Variants in SRSF11 observed in about 807,000 individuals in gnomAD.
SRSF11 encodes serine/arginine-rich splicing factor 11.
In SRSF11, 9 loss-of-function variants were observed where a neutral mutation model predicts 56.0. That is an observed-to-expected ratio of 0.16 (90% CI 0.10 to 0.28). The LOEUF (loss-of-function observed/expected upper bound fraction) is 0.28, where lower values mean the gene tolerates loss of function less well. Ranked by LOEUF, SRSF11 falls within the 10% of genes least tolerant of loss-of-function variation. The probability of loss-of-function intolerance (pLI) is 1.00; values close to 1 mark genes in which losing one functional copy is unlikely to be tolerated. For missense variants in SRSF11, 421 were observed against 600.7 expected (o/e 0.70, Z 3.13); for synonymous variants, 222 against 215.3 (o/e 1.03, Z -0.27).
At chr1:70,235,340 T>G (rs962425031) in intron 4 of SRSF11, among the ~76,000 whole-genome samples, 161 bp from the exon 5 acceptor site, 1 of 151,454 alleles carries the variant, frequency 6.6e-6, no homozygotes, top group Non-Finnish European at 1.5e-5. Context: ...TTTTGTTTTG[T>G]TTTTTGTTTT....
At chr1:70,206,469 G>T (rs1669034004) in intron 1 of SRSF11, among the ~76,000 whole-genome samples, 1 of 151,914 alleles carries the variant, frequency 6.6e-6, no homozygotes, top group African/African-American at 2.4e-5. Flanking sequence ...TGAAAATTTT[G>T]TTCAATGTAA....
chr1:70,228,306 A>G, intron 1 of SRSF11, 116 bp from the exon 2 acceptor site: 1 of 669,272 alleles, frequency 1.5e-6, no homozygotes, highest in Non-Finnish European at 2.5e-6. Context: ...TAACTACATT[A>G]GTATACAGTT....
chr1:70,210,558 C>G (rs1023120449), intron 1 of SRSF11, among the ~76,000 whole-genome samples: 5 of 152,228 alleles, frequency 3.3e-5, no homozygotes, highest in Non-Finnish European at 5.9e-5. Flanking sequence ...ACAAAAAATA[C>G]AAAAATTACC....
chr1:70,214,423 A>G (rs1183733100), intron 1 of SRSF11, among the ~76,000 whole-genome samples: 1 of 152,224 alleles, frequency 6.6e-6, no homozygotes, highest in East Asian at 1.9e-4. Context: ...AATACTGTGT[A>G]TACGATGCAA....
At chr1:70,231,113 C>G (rs773010318) in intron 2 of SRSF11, 1 of 1,289,634 alleles carries the variant, frequency 7.8e-7, no homozygotes, top group Non-Finnish European at 1.0e-6. Context: ...CCTGGTTCAG[C>G]CTGAACTATA....
rs1394896174 is a variant in SRSF11, at chr1:70,252,389, T to C, written c.*1584T>C. 6.6e-6 allele frequency: 1 copy of C among 152,158 alleles called. No individual in the cohort carries two copies. Among genetic ancestry groups the C allele is most frequent in the Non-Finnish European group, 1.5e-5 (1 of 67,984 alleles). 9.4% of individuals were successfully genotyped at this position (152,158 alleles called of 1,614,324 possible). ...ATCTACTGTACAGTACTAAATAGTA[T>C]TCATTTATGAAATGAGTAGTGTTTG... On this transcript the variant is annotated 3_prime_UTR_variant, in exon 12 of 12. Coordinates refer to ENST00000370949, the MANE Select transcript of SRSF11 (RefSeq NM_001350605.2).
At chr1:70,214,555 T>C (rs1669836904) in intron 1 of SRSF11, among the ~76,000 whole-genome samples, 1 of 152,176 alleles carries the variant, frequency 6.6e-6, no homozygotes, top group Non-Finnish European at 1.5e-5. Context: ...CAGACCCTGC[T>C]CTGTCAATTT....
rs1571937739 is a variant in SRSF11 at position 70,246,978 on chromosome 1, A to T, written c.1022+71A>T. ...CTTCTAACAGTATCAGTACGCTGTC[A>T]GTATGAAGTCTTTTCCAGAACATAA... is the stretch of plus-strand genomic sequence containing the variant. On this transcript the variant is annotated intron_variant, in intron 9 of 11. Coordinates refer to ENST00000370949, the MANE Select transcript of SRSF11 (RefSeq NM_001350605.2). 7 of 1,308,310 alleles carry T rather than the reference A, an allele frequency of 5.4e-6. No homozygotes were observed. In the East Asian group the frequency reaches 1.5e-4, roughly 28 times the overall value. 81.0% of individuals were successfully genotyped at this position (1,308,310 alleles called of 1,614,324 possible).
intron 1 of SRSF11, among the ~76,000 whole-genome samples, chr1:70,211,391 G>A (rs2100467901): frequency 6.6e-6 from 1 of 152,110 alleles, no homozygotes; most frequent in East Asian, 1.9e-4. Flanking sequence ...TTTAAAAAGG[G>A]AGACACAGTA....
upstream of SRSF11, chr1:70,218,541 C>G (rs983260634): frequency 1.3e-5 from 2 of 152,028 alleles, no homozygotes; most frequent in Admixed American, 6.5e-5. Flanking sequence ...ATGTGTCAAA[C>G]ATACAGAAAA....
At chr1:70,230,526 C>G (rs1349413889) in intron 2 of SRSF11, 1 of 1,248,172 alleles carries the variant, frequency 8.0e-7, no homozygotes. Context: ...TTGTCTGTTT[C>G]TTTTTCTTTC....
At chr1:70,239,887 A>C (rs568493986) in intron 7 of SRSF11, among the ~76,000 whole-genome samples, 1 of 152,208 alleles carries the variant, frequency 6.6e-6, no homozygotes. Context: ...GTAAAATGCA[A>C]GTACTAGGAA....
At chr1:70,219,254 A>G (rs1468748562), upstream of SRSF11, among the ~76,000 whole-genome samples, 1 of 152,222 alleles carries the variant, frequency 6.6e-6, no homozygotes, top group South Asian at 2.1e-4. Context: ...ATTATATGCA[A>G]ATACAGTTGT....
chr1:70,221,949 G>C, intron 1 of SRSF11, 110 bp downstream of exon 1: 1 of 1,468,176 alleles, frequency 6.8e-7, no homozygotes, highest in Non-Finnish European at 9.0e-7. Flanking sequence ...GGCTGCTTGA[G>C]TGGCTGGTGG....
chr1:70,243,497 G>A (rs947433967), intron 7 of SRSF11, among the ~76,000 whole-genome samples: 1 of 152,070 alleles, frequency 6.6e-6, no homozygotes, highest in Non-Finnish European at 1.5e-5. Context: ...ATTATTTGGT[G>A]ATAGAGGTGT....
intron 9 of SRSF11, 117 bp downstream of exon 9, chr1:70,247,024 G>T: frequency 8.9e-7 from 1 of 1,122,372 alleles, no homozygotes; most frequent in South Asian, 2.5e-5. Flanking sequence ...GTTGAAAAAA[G>T]TTACATTTTG....
Position 70,234,656 on chromosome 1 carries a change from G to T in SRSF11, c.448-40G>T, listed in dbSNP as rs756248995. 2.6e-6 allele frequency: 4 copies of T among 1,532,422 alleles called. 1 individual carries two copies. In the South Asian group the frequency reaches 4.8e-5, roughly 18 times the overall value. The allele number at this position is 1,532,422 out of a possible 1,614,324, so 94.9% of individuals were successfully genotyped here. On this transcript the variant is annotated intron_variant, in intron 3 of 11. Coordinates refer to ENST00000370949, the MANE Select transcript of SRSF11 (RefSeq NM_001350605.2). ...GTATTAACCCCTGGTATAAGGAACT[G>T]AAATGAAGTTTTAAATAAATAAAAT...
At chr1:70,232,419 A>C in intron 3 of SRSF11, 42 bp downstream of exon 3, 2 of 1,469,620 alleles carry the variant, frequency 1.4e-6, no homozygotes, top group Admixed American at 1.9e-5. Flanking sequence ...GGAAAAAAAC[A>C]GAATTGTGCA....
chr1:70,228,279 A>G, intron 1 of SRSF11, 143 bp from the exon 2 acceptor site: 1 of 587,934 alleles, frequency 1.7e-6, no homozygotes, highest in Non-Finnish European at 3.0e-6. Flanking sequence ...ATGATTGAGA[A>G]TGTTTTCTTT....
Sources: gnomAD v4.1 joint callset for allele counts (sites outside exome capture counted in the v4.1 genomes callset) on GRCh38, gnomAD v4.1.1 for gene constraint, MANE v1.5 for transcripts, NCBI Gene and HGNC (gene_info 2026-07-23, HGNC 2026-07-21) for gene names.